Variants in MAMDC2 observed in about 807,000 individuals in gnomAD.
The protein encoded by MAMDC2 is MAM domain-containing protein 2.
In MAMDC2, 57 loss-of-function variants were observed where a neutral mutation model predicts 89.8. The observed-to-expected ratio is 0.63, with a 90% CI of 0.51 to 0.79. The LOEUF (loss-of-function observed/expected upper bound fraction) is 0.79, where lower values mean the gene tolerates loss of function less well. Ranked by LOEUF, MAMDC2 falls within the 30% of genes least tolerant of loss-of-function variation. The pLI is 0.00. For synonymous variants in MAMDC2, 313 were observed against 293.4 expected, an observed-to-expected ratio of 1.07 and a Z score of -0.68; for missense variants, 800 against 820.6, an observed-to-expected ratio of 0.97 and a Z score of 0.31.
At chr9:70,186,729 C>T (rs2032761837) in intron 11 of MAMDC2, among the ~76,000 whole-genome samples, 1 of 152,168 alleles carries the variant, frequency 6.6e-6, no homozygotes, top group Non-Finnish European at 1.5e-5. Context: ...GCTCTAACAG[C>T]ATAGCACCAA....
At chr9:70,144,700 G>A (rs903319799) in intron 9 of MAMDC2, among the ~76,000 whole-genome samples, 3 of 152,216 alleles carry the variant, frequency 2.0e-5, no homozygotes, top group African/African-American at 7.2e-5. Flanking sequence ...AGGAATGAAT[G>A]AATGAGTCTA....
chr9:70,221,402 G>GAGAA (rs2033561207), intron 12 of MAMDC2, among the ~76,000 whole-genome samples: 2 of 104,588 alleles, frequency 1.9e-5, no homozygotes, highest in African/African-American at 7.4e-5. Flanking sequence ...GAGAGAGAGA[G>GAGAA]AGAGAGTAAC....
At chr9:70,131,091 C>A (rs77540114) in intron 6 of MAMDC2, among the ~76,000 whole-genome samples, 1 of 152,166 alleles carries the variant, frequency 6.6e-6, no homozygotes, top group Middle Eastern at 3.2e-3. Context: ...GCAGATCTGG[C>A]GTCTGCTGAG....
intron 7 of MAMDC2, among the ~76,000 whole-genome samples, chr9:70,134,491 C>T (rs1025154783): frequency 6.6e-6 from 1 of 152,128 alleles, no homozygotes; most frequent in African/African-American, 2.4e-5. Flanking sequence ...TAAAGCCCAG[C>T]CTCAAACTGA....
intron 11 of MAMDC2, among the ~76,000 whole-genome samples, chr9:70,204,947 C>T (rs969122503): frequency 4.6e-5 from 7 of 152,232 alleles, no homozygotes; most frequent in Non-Finnish European, 1.0e-4. Flanking sequence ...TGGCCTGCCC[C>T]CACTGTCTGG....
At chr9:70,050,475 C>T (rs1272154845) in intron 2 of MAMDC2, among the ~76,000 whole-genome samples, 1 of 152,132 alleles carries the variant, frequency 6.6e-6, no homozygotes, top group Non-Finnish European at 1.5e-5. Context: ...GCTGTGTGGG[C>T]TTGGGAAAGT....
chr9:70,121,088 A>G lies in MAMDC2; in HGVS notation c.644-5071A>G, dbSNP rs375046811. 6.6e-5 allele frequency among the ~76,000 whole-genome samples: 10 copies of G among 152,368 alleles called. No individual in the cohort carries two copies. The South Asian group carries it at 2.1e-3, about 32-fold the overall frequency. ...GCAGGGCGCATCACAGCTGAGTCAG[A>G]GGATGCCTCTGGCACCGCGGCCAAG... On this transcript the variant is annotated intron_variant, in intron 5 of 13. Coordinates refer to ENST00000377182, the MANE Select transcript of MAMDC2 (RefSeq NM_153267.5).
chr9:70,159,360 G>A (rs1375928787), intron 9 of MAMDC2, among the ~76,000 whole-genome samples: 1 of 152,034 alleles, frequency 6.6e-6, no homozygotes, highest in Non-Finnish European at 1.5e-5. Context: ...CTGTTATTAG[G>A]AGTTGGTTAA....
At chr9:70,189,409 A>G (rs1242978632) in intron 11 of MAMDC2, among the ~76,000 whole-genome samples, 1 of 152,066 alleles carries the variant, frequency 6.6e-6, no homozygotes, top group Non-Finnish European at 1.5e-5. Flanking sequence ...AATCTTATTG[A>G]GGTTCTCTTG....
chr9:70,205,113 T>A (rs901240321), intron 11 of MAMDC2, among the ~76,000 whole-genome samples: 1 of 152,242 alleles, frequency 6.6e-6, no homozygotes, highest in Non-Finnish European at 1.5e-5. Flanking sequence ...GTTTCTGACA[T>A]TGCCAGATTC....
rs1203582168 is a variant in MAMDC2 at position 70,143,676 on chromosome 9, T to C, written c.1261T>C (p.Phe421Leu). ...CLRFHYAIYG[F>L]LKMSDTLAVY... ...GCGTTTTCATTATGCCATCTATGGATTTTTAAAAATGAGTGACACCCTAGC... is the reference window on the plus strand; with the variant it reads ...GCGTTTTCATTATGCCATCTATGGACTTTTAAAAATGAGTGACACCCTAGC... The change falls in exon 9 of 14, where the codon TTT (phenylalanine) becomes CTT (leucine). Residue 421 changes from phenylalanine to leucine, a missense_variant. Phe to Leu is a conservative substitution (Grantham distance 22). Coordinates refer to ENST00000377182, the MANE Select transcript of MAMDC2 (RefSeq NM_153267.5). The C allele has an allele frequency of 6.2e-7, 1 of 1,614,224 alleles. No homozygotes were observed. The highest frequency in any genetic ancestry group is 8.5e-7 in the Non-Finnish European group (1 of 1,180,026).
At chr9:70,221,508 A>G (rs1160901848) in intron 12 of MAMDC2, among the ~76,000 whole-genome samples, 2 of 149,758 alleles carry the variant, frequency 1.3e-5, no homozygotes, top group East Asian at 3.9e-4. Flanking sequence ...AGGAGCAGGG[A>G]ATGGGGAGTT....
At chr9:70,159,012 T>C (rs1774377375) in intron 9 of MAMDC2, among the ~76,000 whole-genome samples, 1 of 151,450 alleles carries the variant, frequency 6.6e-6, no homozygotes, top group South Asian at 2.1e-4. Context: ...TGACTGTATA[T>C]GTATATATAT....
chr9:70,073,794 C>G (rs1253834335), intron 2 of MAMDC2, among the ~76,000 whole-genome samples: 1 of 152,208 alleles, frequency 6.6e-6, no homozygotes, highest in Non-Finnish European at 1.5e-5. Context: ...AGCCCCTTCT[C>G]TCATCATTCC....
intron 2 of MAMDC2, among the ~76,000 whole-genome samples, chr9:70,071,216 C>T (rs567203059): frequency 6.6e-6 from 1 of 152,172 alleles, no homozygotes; most frequent in South Asian, 2.1e-4. Context: ...GAAGACCAAC[C>T]GTGAGATGAA....
chr9:70,080,479 A>G (rs1295322462), intron 2 of MAMDC2, among the ~76,000 whole-genome samples: 1 of 152,224 alleles, frequency 6.6e-6, no homozygotes, highest in East Asian at 1.9e-4. Context: ...ATGGATCATA[A>G]TCTATTTAAT....
At chr9:70,066,164 C>G (rs1368004944) in intron 2 of MAMDC2, among the ~76,000 whole-genome samples, 1 of 152,144 alleles carries the variant, frequency 6.6e-6, no homozygotes. Context: ...AGACCTCTGT[C>G]ACAGCTCAGC....
intron 9 of MAMDC2, 104 bp downstream of exon 9, chr9:70,143,923 G>T: frequency 1.4e-6 from 2 of 1,392,940 alleles, no homozygotes; most frequent in Non-Finnish European, 2.0e-6. Context: ...TTTTCCTTCT[G>T]TTCAGGCCTA....
chr9:70,143,274 T>A lies in MAMDC2; in HGVS notation c.1139-280T>A, dbSNP rs143126359. Among the ~76,000 whole-genome samples, 562 of 152,348 alleles carry A rather than the reference T, an allele frequency of 3.7e-3. 2 individuals are homozygous for A. The highest frequency in any genetic ancestry group is 0.012 in the African/African-American group (518 of 41,578). ...AGATGACTTCATCCTTTTTGTTTCA[T>A]GAAAAGTGTAAATCCTAATTAATGA... On this transcript the variant is annotated intron_variant, in intron 8 of 13. Transcript: ENST00000377182.
Sources: gnomAD v4.1 joint callset for allele counts (sites outside exome capture counted in the v4.1 genomes callset) on GRCh38, gnomAD v4.1.1 for gene constraint, MANE v1.5 for transcripts, NCBI Gene and HGNC (gene_info 2026-07-23, HGNC 2026-07-21) for gene names.